Variants in CCDC120 observed in about 807,000 individuals in gnomAD.
The protein encoded by CCDC120 is coiled-coil domain containing 120.
CCDC120 carries 16 observed loss-of-function variants against 37.6 expected under a neutral mutation model. The ratio of observed to expected loss-of-function variants is 0.43; its 90% CI spans 0.29 to 0.65. The LOEUF is 0.65. Among genes scored for constraint, CCDC120 ranks in the 30% least tolerant of loss-of-function variants. CCDC120 has a pLI of 0.18. For missense variants in CCDC120, 650 were observed against 657.4 expected (o/e 0.99, Z 0.12); for synonymous variants, 309 against 275.4 (o/e 1.12, Z -1.21).
At chrX:49,064,839 T>C (rs1557080661) in intron 6 of CCDC120, among the ~76,000 whole-genome samples, 175 bp downstream of exon 6, 6 of 112,161 alleles carry the variant, frequency 5.3e-5, no homozygotes, top group Non-Finnish European at 1.1e-4. Context: ...GGGGGACTGA[T>C]GAATATCTGC....
chrX:49,063,814 T>C, intron 4 of CCDC120, 47 bp from the exon 5 acceptor site: 1 of 1,154,060 alleles, frequency 8.7e-7, no homozygotes, highest in African/African-American at 1.8e-5. Context: ...CTTCACCCCA[T>C]CCTTCCAACT....
intron 5 of CCDC120, 60 bp downstream of exon 5, chrX:49,064,061 G>A (rs1340639083): frequency 8.9e-7 from 1 of 1,126,191 alleles, no homozygotes; most frequent in Non-Finnish European, 1.2e-6. Flanking sequence ...CAGAGGAGTA[G>A]CCAGGAGGAA....
At chrX:49,065,169 G>T in intron 7 of CCDC120, 71 bp downstream of exon 7, 1 of 1,032,165 alleles carries the variant, frequency 9.7e-7, no homozygotes, top group Non-Finnish European at 1.3e-6. Context: ...TTATTCATCC[G>T]ACCACATCCT....
intron 1 of CCDC120, 43 bp downstream of exon 1, chrX:49,059,138 A>AG (rs1254063424): frequency 8.9e-6 from 1 of 112,668 alleles, no homozygotes. Context: ...GAGGGGGATA[A>AG]GGGCATTGGG....
chrX:49,062,417 G>C, intron 3 of CCDC120, 51 bp from the exon 4 acceptor site: 1 of 1,211,322 alleles, frequency 8.3e-7, no homozygotes, highest in Non-Finnish European at 1.1e-6. Context: ...CCCCACAGCT[G>C]CTCCAGAATG....
In CCDC120 at chrX:49,064,665, G is replaced by A. The variant is rs1557080598; in HGVS notation, c.724+1G>A. 8.5e-7 allele frequency: 1 copy of A among 1,176,747 alleles called. No individual in the cohort carries two copies. Among genetic ancestry groups the A allele is most frequent in the Non-Finnish European group, 1.1e-6 (1 of 874,235 alleles). The stretch of plus-strand genomic sequence containing the variant: ...ATGCGTCTTGCTCAGCTCAGCCAAG[G>A]TGAGCATCCCCTGGTGAGGGTGGGA... On this transcript the variant is annotated splice_donor_variant, in intron 6 of 10. Transcript: ENST00000603986. LOFTEE classifies it high-confidence loss of function.
chrX:49,067,733 A>C lies in CCDC120; in HGVS notation c.1619A>C (p.Asp540Ala). ...DSNSPLLRTK[D>A]PHTRATRTKP... ...AACAGCCCCCTCCTCCGCACCAAGG[A>C]CCCCCACACCCGTGCCACCCGCACT... The change falls in exon 10 of 11, where the codon GAC (aspartate) becomes GCC (alanine). Residue 540 changes from aspartate to alanine, a missense_variant. Around this residue, in one of 3 missense-constraint regions of CCDC120, gnomAD observed 576 missense variants for 565.3 expected, o/e 1.02. Coordinates refer to ENST00000603986, the MANE Select transcript of CCDC120 (RefSeq NM_001163321.4). The C allele has an allele frequency of 8.4e-7, 1 of 1,188,807 alleles. No individual in the cohort carries two copies. The highest frequency in any genetic ancestry group is 1.8e-5 in the South Asian group (1 of 54,768).
chrX:49,062,019 C>T lies in CCDC120; in HGVS notation c.-23C>T. On this transcript the variant is annotated 5_prime_UTR_variant, in exon 2 of 11. Transcript: ENST00000603986. The stretch of plus-strand genomic sequence containing the variant: ...GAGGCGTTGTAAGTCCGCCCAGCTC[C>T]CCACTTGCTGTGCTCTCACTCAATG... 8.7e-7 allele frequency: 1 copy of T among 1,155,840 alleles called. No homozygotes were observed. Among genetic ancestry groups the T allele is most frequent in the Non-Finnish European group, 1.1e-6 (1 of 872,633 alleles).
upstream of CCDC120, among the ~76,000 whole-genome samples, chrX:49,057,586 C>T (rs1481003375): frequency 1.8e-5 from 2 of 112,690 alleles, no homozygotes; most frequent in Non-Finnish European, 3.8e-5. Flanking sequence ...CCTTTGTGTT[C>T]CATGCTGGAA....
Position 49,067,388 on chromosome X carries a change from T to C in CCDC120, c.1274T>C (p.Val425Ala). 8.4e-7 allele frequency: 1 copy of C among 1,196,399 alleles called. No individual in the cohort carries two copies. The highest frequency in any genetic ancestry group is 1.8e-5 in the South Asian group (1 of 55,465). Reference protein sequence around the residue: ...PLAPSASGPPVCKSSEVLYER... With the variant: ...PLAPSASGPPACKSSEVLYER... The stretch of plus-strand genomic sequence containing the variant: ...GCTCCCTCTGCCTCTGGCCCCCCAG[T>C]CTGCAAGAGCAGTGAGGTGCTGTAT... The change falls in exon 10 of 11, where the codon GTC becomes GCC. Residue 425 changes from valine to alanine, a missense_variant. Val to Ala is a moderately conservative substitution (Grantham distance 64). Transcript: ENST00000603986.
chrX:49,065,993 C>T (rs1433083500), intron 9 of CCDC120, 148 bp downstream of exon 9: 23 of 526,635 alleles, frequency 4.4e-5, no homozygotes, highest in Middle Eastern at 5.6e-4. Flanking sequence ...GAGGCCGAGG[C>T]GGGCGGGTTA....
chrX:49,056,700 A>G (rs868907600), upstream of CCDC120, among the ~76,000 whole-genome samples: 2 of 110,765 alleles, frequency 1.8e-5, no homozygotes, highest in African/African-American at 6.6e-5. Context: ...GAGTTCAGAC[A>G]AGTTATCTGA....
rs782160876 is a variant in CCDC120 at position 49,067,491 on chromosome X, C to T, written c.1377C>T (p.Ser459=). 4.6e-4 allele frequency: 533 copies of T among 1,167,714 alleles called. 1 individual carries two copies. The highest frequency in any genetic ancestry group is 5.7e-4 in the Non-Finnish European group (496 of 872,504). Residue 459 remains serine (S), a synonymous_variant, in exon 10 of 11, where the codon AGC becomes AGT. Coordinates refer to ENST00000603986, the MANE Select transcript of CCDC120 (RefSeq NM_001163321.4). The part of the protein sequence containing the change: ...PPDPPRAARP[S]SAAPASRGAP... ...ACCCTCCCCGGGCCGCCCGGCCTAG[C>T]TCAGCTGCCCCTGCCTCCCGAGGTG...
In CCDC120 at chrX:49,069,081, G is replaced by T. The variant is rs1453712894; in HGVS notation, c.*423G>T. Reference sequence around the variant, plus strand: ...CCCCCTCCATAAAATGGACCATATCGGGTCTCAGGGCCATTTAGGGCAGCC... The same window carrying T: ...CCCCCTCCATAAAATGGACCATATCTGGTCTCAGGGCCATTTAGGGCAGCC... On this transcript the variant is annotated 3_prime_UTR_variant, in exon 11 of 11. Transcript: ENST00000603986. 8.5e-6 allele frequency: 1 copy of T among 117,034 alleles called. No homozygotes were observed. The highest frequency in any genetic ancestry group is 1.8e-5 in the Non-Finnish European group (1 of 55,472). The allele number at this position is 117,034 out of a possible 1,213,427, so 9.6% of individuals were successfully genotyped here. A position where few individuals can be genotyped will look rare whatever the true frequency, so the allele number is the denominator to read the frequency against.
chrX:49,057,140 A>G (rs1243848163), upstream of CCDC120, among the ~76,000 whole-genome samples: 1 of 111,693 alleles, frequency 9.0e-6, no homozygotes, highest in Non-Finnish European at 1.9e-5. Context: ...GTCATGGACC[A>G]GGGCAATGAT....
rs781996577 is a variant in CCDC120, at chrX:49,067,753, C to A, written c.1639C>A (p.Arg547Ser). 1 of 1,195,477 alleles carries A rather than the reference C, an allele frequency of 8.4e-7. No homozygotes were observed. Among genetic ancestry groups the A allele is most frequent in the African/African-American group, 1.7e-5 (1 of 57,696 alleles). The stretch of plus-strand genomic sequence containing the variant: ...CAAGGACCCCCACACCCGTGCCACC[C>A]GCACTAAGCCCTGTGGCCTGCCCCC... ...RTKDPHTRAT[R>S]TKPCGLPPEA... Residue 547 changes from arginine (R) to serine (S), a missense_variant, in exon 10 of 11, where the codon CGC (arginine) becomes AGC (serine). Physicochemically the swap from Arg to Ser is moderately radical, Grantham distance 110. Transcript: ENST00000603986.
intron 7 of CCDC120, 86 bp from the exon 8 acceptor site, chrX:49,065,368 C>T: frequency 9.7e-7 from 1 of 1,034,340 alleles, no homozygotes; most frequent in Non-Finnish European, 1.3e-6. Context: ...CACTTTGCCC[C>T]TCCCCATGGC....
upstream of CCDC120, among the ~76,000 whole-genome samples, chrX:49,057,166 C>A: frequency 8.9e-6 from 1 of 111,809 alleles, no homozygotes; most frequent in South Asian, 3.7e-4. Flanking sequence ...TTAGTGACTG[C>A]CCCATTTGTC....
Position 49,062,683 on chromosome X carries a change from G to A in CCDC120, c.288+82G>A, listed in dbSNP as rs1272251789. 6.1e-5 allele frequency: 62 copies of A among 1,017,976 alleles called. No homozygotes were observed. The Admixed American group carries it at 1.8e-3, about 29-fold the overall frequency. The allele number at this position is 1,017,976 out of a possible 1,213,427, so 83.9% of individuals were successfully genotyped here. On this transcript the variant is annotated intron_variant, in intron 4 of 10. Coordinates refer to ENST00000603986, the MANE Select transcript of CCDC120 (RefSeq NM_001163321.4). The stretch of plus-strand genomic sequence containing the variant: ...GGGGCCCCTAGGTAGACAGACTTGG[G>A]TGGCAATTCCTCAACCACTTGTCTT...
Sources: allele counts gnomAD v4.1 joint callset (sites outside exome capture counted in the v4.1 genomes callset), GRCh38; gene constraint gnomAD v4.1.1; regional missense constraint gnomAD v4.1.1; transcripts MANE v1.5; gene names NCBI Gene and HGNC (gene_info 2026-07-23, HGNC 2026-07-21).